CNTNAP2: variants seen among roughly 807,000 people sequenced by gnomAD.
CNTNAP2 encodes the protein contactin-associated protein-like 2.
Under a neutral mutation model 155.2 loss-of-function variants are expected in CNTNAP2, and 98 were observed. The ratio of observed to expected loss-of-function variants is 0.63; its 90% CI spans 0.54 to 0.75. The LOEUF (loss-of-function observed/expected upper bound fraction) is 0.75. CNTNAP2 is among the 30% of genes least tolerant of loss of function. The probability of loss-of-function intolerance (pLI) is 0.00; values close to 1 mark genes in which losing one functional copy is unlikely to be tolerated. For missense variants in CNTNAP2, 1,727 were observed against 1,688.1 expected, an observed-to-expected ratio of 1.02 and a Z score of -0.40; for synonymous variants, 651 against 631.2, an observed-to-expected ratio of 1.03 and a Z score of -0.47.
intron 13 of CNTNAP2, among the ~76,000 whole-genome samples, chr7:147,880,232 G>A (rs1487776718): frequency 1.3e-5 from 2 of 152,148 alleles, no homozygotes; most frequent in Non-Finnish European, 1.5e-5. Flanking sequence ...ACACAGAGAA[G>A]GGTGGTCATG....
intron 1 of CNTNAP2, among the ~76,000 whole-genome samples, chr7:146,463,121 TA>T (rs1367114739): frequency 6.6e-6 from 1 of 151,596 alleles, no homozygotes; most frequent in African/African-American, 2.4e-5. Context: ...GGGAGGAAAA[TA>T]AAACTGGAAA....
chr7:146,620,992 GT>G (rs1384231332), intron 1 of CNTNAP2, among the ~76,000 whole-genome samples: 1 of 151,968 alleles, frequency 6.6e-6, no homozygotes, highest in Non-Finnish European at 1.5e-5. Flanking sequence ...TCATCTTATG[GT>G]TTTCTTTCTT....
intron 1 of CNTNAP2, among the ~76,000 whole-genome samples, chr7:146,772,460 C>T (rs1802308989): frequency 1.4e-5 from 2 of 148,138 alleles, no homozygotes; most frequent in South Asian, 4.3e-4. Context: ...AGATCTAGAC[C>T]ATCCTGGCTA....
intron 9 of CNTNAP2, among the ~76,000 whole-genome samples, chr7:147,302,223 G>A (rs574362353): frequency 6.6e-6 from 1 of 152,324 alleles, no homozygotes; most frequent in South Asian, 2.1e-4. Flanking sequence ...TTGTCAGTGG[G>A]AAAGCTACTG....
At chr7:146,900,491 G>A (rs534627190) in intron 3 of CNTNAP2, among the ~76,000 whole-genome samples, 1 of 152,246 alleles carries the variant, frequency 6.6e-6, no homozygotes, top group East Asian at 1.9e-4. Context: ...TCTAAACCTT[G>A]CTCTGCTCTC....
chr7:147,995,728 T>C (rs1341057024), intron 15 of CNTNAP2, among the ~76,000 whole-genome samples: 1 of 152,098 alleles, frequency 6.6e-6, no homozygotes, highest in African/African-American at 2.4e-5. Context: ...TTAGCCAGGA[T>C]GGTCACAATC....
At chr7:147,291,311 C>T (rs1247989785) in intron 8 of CNTNAP2, among the ~76,000 whole-genome samples, 3 of 152,194 alleles carry the variant, frequency 2.0e-5, no homozygotes, top group African/African-American at 7.2e-5. Context: ...CTAATGCTCT[C>T]CCTCCCCTTT....
chr7:147,395,196 T>C (rs996807652), intron 9 of CNTNAP2, among the ~76,000 whole-genome samples: 1 of 151,914 alleles, frequency 6.6e-6, no homozygotes, highest in Non-Finnish European at 1.5e-5. Flanking sequence ...GAAATAAATA[T>C]CAAAGAAACA....
intron 13 of CNTNAP2, among the ~76,000 whole-genome samples, chr7:147,757,427 G>A (rs748927289): frequency 1.3e-5 from 2 of 152,126 alleles, no homozygotes; most frequent in Non-Finnish European, 2.9e-5. Context: ...CCTGATGGAT[G>A]GCTGCCTTCT....
intron 1 of CNTNAP2, among the ~76,000 whole-genome samples, chr7:146,592,675 C>G (rs1798800589): frequency 6.6e-6 from 1 of 152,108 alleles, no homozygotes; most frequent in Admixed American, 6.6e-5. Flanking sequence ...TCTTCTAGAT[C>G]AAAATGAGGA....
intron 8 of CNTNAP2, among the ~76,000 whole-genome samples, chr7:147,286,442 T>C (rs1805180193): frequency 6.6e-6 from 1 of 152,112 alleles, no homozygotes; most frequent in Admixed American, 6.6e-5. Context: ...TGGATATTTA[T>C]TTTAAAAAGC....
intron 4 of CNTNAP2, among the ~76,000 whole-genome samples, chr7:147,055,250 A>T (rs1300089346): frequency 6.6e-6 from 1 of 152,216 alleles, no homozygotes; most frequent in African/African-American, 2.4e-5. Context: ...TCACGGCTCT[A>T]TGGAAAATCA....
intron 21 of CNTNAP2, among the ~76,000 whole-genome samples, chr7:148,375,543 T>C (rs938755988): frequency 6.8e-4 from 102 of 150,326 alleles, no homozygotes; most frequent in African/African-American, 2.3e-3. Flanking sequence ...GTATCTTTAG[T>C]AGAGATGGGG....
chr7:146,858,410 T>G (rs894009145), intron 3 of CNTNAP2, among the ~76,000 whole-genome samples: 7 of 152,226 alleles, frequency 4.6e-5, no homozygotes, highest in Admixed American at 4.6e-4. Context: ...TTAAAAAGTT[T>G]GCACCAGGCT....
intron 21 of CNTNAP2, among the ~76,000 whole-genome samples, chr7:148,361,165 A>G (rs116649868): frequency 2.6e-5 from 4 of 152,114 alleles, no homozygotes; most frequent in African/African-American, 9.6e-5. Flanking sequence ...ATCCATTTCT[A>G]TGTTCTTGGT....
At chr7:147,087,965 A>G (rs1800316520) in intron 4 of CNTNAP2, among the ~76,000 whole-genome samples, 1 of 152,094 alleles carries the variant, frequency 6.6e-6, no homozygotes, top group Admixed American at 6.6e-5. Context: ...CAACACAGCC[A>G]GACTCCACCT....
intron 3 of CNTNAP2, among the ~76,000 whole-genome samples, chr7:146,866,579 T>C (rs1311979602): frequency 6.6e-6 from 1 of 152,170 alleles, no homozygotes; most frequent in Non-Finnish European, 1.5e-5. Flanking sequence ...GGTATGTCCA[T>C]GACTTCACAT....
intron 12 of CNTNAP2, among the ~76,000 whole-genome samples, chr7:147,591,521 A>G (rs1384889641): frequency 6.6e-6 from 1 of 152,128 alleles, no homozygotes; most frequent in Non-Finnish European, 1.5e-5. Context: ...TTTTGAGAGG[A>G]CACAATTCAG....
At chr7:148,242,897 G>C (rs1418385172) in intron 20 of CNTNAP2, among the ~76,000 whole-genome samples, 1 of 152,146 alleles carries the variant, frequency 6.6e-6, no homozygotes, top group Non-Finnish European at 1.5e-5. Context: ...CCCAGTGGTC[G>C]CTTGGTGAGC....
Sources: gnomAD v4.1 joint callset for allele counts (sites outside exome capture counted in the v4.1 genomes callset) on GRCh38, gnomAD v4.1.1 for gene constraint, MANE v1.5 for transcripts, NCBI Gene and HGNC (gene_info 2026-07-23, HGNC 2026-07-21) for gene names.